ADGRL4: variants seen among roughly 807,000 people sequenced by gnomAD.
The protein encoded by ADGRL4 is adhesion G protein-coupled receptor L4.
In ADGRL4, 90 loss-of-function variants were observed where a neutral mutation model predicts 74.8. The ratio of observed to expected loss-of-function variants is 1.20; its 90% CI spans 1.02 to 1.43. ADGRL4 has a LOEUF of 1.43. Ranked by LOEUF, ADGRL4 falls within the 40% of genes most tolerant of loss-of-function variation. The probability of loss-of-function intolerance (pLI) is 0.00; values close to 1 mark genes in which losing one functional copy is unlikely to be tolerated. For missense variants in ADGRL4, 881 were observed against 814.3 expected, an observed-to-expected ratio of 1.08 and a Z score of -1.00; for synonymous variants, 311 against 279.2, an observed-to-expected ratio of 1.11 and a Z score of -1.14.
intron 2 of ADGRL4, among the ~76,000 whole-genome samples, chr1:78,999,347 C>T (rs1012701143): frequency 9.9e-5 from 15 of 152,100 alleles, no homozygotes; most frequent in Admixed American, 4.6e-4. Context: ...CACCTTTCTA[C>T]CAGAATTTTC....
At chr1:78,896,377 T>G in intron 12 of ADGRL4, among the ~76,000 whole-genome samples, 1 of 152,040 alleles carries the variant, frequency 6.6e-6, no homozygotes, top group East Asian at 1.9e-4. Context: ...CCAATCTAAC[T>G]CCTCCATTTG....
intron 2 of ADGRL4, among the ~76,000 whole-genome samples, chr1:78,979,983 C>A (rs1057498204): frequency 6.6e-6 from 1 of 151,904 alleles, no homozygotes; most frequent in African/African-American, 2.4e-5. Context: ...GAAATCACTG[C>A]TAAAGAACGT....
At chr1:79,004,869 T>C (rs1460915286) in intron 2 of ADGRL4, among the ~76,000 whole-genome samples, 3 of 152,170 alleles carry the variant, frequency 2.0e-5, no homozygotes, top group African/African-American at 4.8e-5. Flanking sequence ...AAGATATGCA[T>C]GAAGTCTTTT....
chr1:78,964,343 A>G (rs1049565017), intron 2 of ADGRL4, among the ~76,000 whole-genome samples: 9 of 152,190 alleles, frequency 5.9e-5, no homozygotes, highest in Admixed American at 3.9e-4. Flanking sequence ...TATGACAAGC[A>G]CTGAAGTCTT....
intron 14 of ADGRL4, 64 bp downstream of exon 14, chr1:78,891,460 T>A (rs1648271030): frequency 6.7e-7 from 1 of 1,499,276 alleles, no homozygotes; most frequent in African/African-American, 1.4e-5. Context: ...AAGAATTTTC[T>A]ATCAATTTGG....
At chr1:78,895,639 T>C (rs989487081) in intron 12 of ADGRL4, among the ~76,000 whole-genome samples, 3 of 152,192 alleles carry the variant, frequency 2.0e-5, no homozygotes, top group Non-Finnish European at 4.4e-5. Flanking sequence ...AAAAACAGCA[T>C]AGGAAAATCT....
At chr1:78,996,765 C>G (rs1481523219) in intron 2 of ADGRL4, among the ~76,000 whole-genome samples, 1 of 152,128 alleles carries the variant, frequency 6.6e-6, no homozygotes, top group Non-Finnish European at 1.5e-5. Context: ...GATTATTTCT[C>G]AGCCCATTGT....
In ADGRL4 at chr1:78,889,808, CTTCAT is replaced by C. The variant is rs1648227521; in HGVS notation, c.*1341_*1345del. Reference sequence around the variant, plus strand: ...ATTTGTTAGAGCAAGATTTGGCAGACTTCATTTCAACAGCTGGAGGAATTAATTTA... The same window carrying C: ...ATTTGTTAGAGCAAGATTTGGCAGACTTCAACAGCTGGAGGAATTAATTTA... On this transcript the variant is annotated 3_prime_UTR_variant, in exon 15 of 15. Coordinates refer to ENST00000370742, the MANE Select transcript of ADGRL4 (RefSeq NM_022159.4). 4.4e-6 allele frequency: 2 copies of C among 459,518 alleles called. No homozygotes were observed. The highest frequency in any genetic ancestry group is 9.0e-6 in the Non-Finnish European group (2 of 221,238). 28.5% of individuals were successfully genotyped at this position (459,518 alleles called of 1,614,324 possible).
chr1:78,959,981 T>A (rs1305850428), intron 2 of ADGRL4, among the ~76,000 whole-genome samples: 2 of 152,180 alleles, frequency 1.3e-5, no homozygotes, highest in African/African-American at 4.8e-5. Flanking sequence ...ATATTTTGAA[T>A]AAGCTAAAAG....
chr1:78,966,613 T>C (rs557237297), intron 2 of ADGRL4, among the ~76,000 whole-genome samples: 4 of 152,238 alleles, frequency 2.6e-5, no homozygotes, highest in African/African-American at 9.6e-5. Context: ...TTCCTCTTTT[T>C]GGAATGGACA....
chr1:78,927,552 AT>A (rs2100678167), intron 7 of ADGRL4, among the ~76,000 whole-genome samples: 1 of 152,230 alleles, frequency 6.6e-6, no homozygotes, highest in South Asian at 2.1e-4. Context: ...CTGAGTTCAA[AT>A]GTATGCCCAC....
chr1:78,901,209 T>C (rs1041626591), intron 12 of ADGRL4, among the ~76,000 whole-genome samples: 4 of 152,276 alleles, frequency 2.6e-5, no homozygotes, highest in Admixed American at 2.0e-4. Flanking sequence ...ACACTTGGCA[T>C]CCTTCATGTC....
intron 2 of ADGRL4, among the ~76,000 whole-genome samples, chr1:78,948,538 C>G (rs1405788002): frequency 6.6e-6 from 1 of 151,998 alleles, no homozygotes; most frequent in South Asian, 2.1e-4. Context: ...AGAAAAATTG[C>G]TGAAATATGA....
At chr1:78,986,100 T>C (rs867753960) in intron 2 of ADGRL4, among the ~76,000 whole-genome samples, 1 of 151,772 alleles carries the variant, frequency 6.6e-6, no homozygotes, top group South Asian at 2.1e-4. Context: ...GGCAAAATAA[T>C]CTGTACATCA....
At chr1:78,894,858 ATAG>A (rs1648361531) in intron 12 of ADGRL4, among the ~76,000 whole-genome samples, 1 of 151,996 alleles carries the variant, frequency 6.6e-6, no homozygotes, top group Middle Eastern at 3.2e-3. Context: ...TTCCACATAA[ATAG>A]TAATTTATTT....
At chr1:78,978,915 T>A (rs926709214) in intron 2 of ADGRL4, among the ~76,000 whole-genome samples, 6 of 152,014 alleles carry the variant, frequency 3.9e-5, no homozygotes, top group African/African-American at 9.7e-5. Context: ...GATAATCTAA[T>A]GTTGGTATTT....
intron 2 of ADGRL4, among the ~76,000 whole-genome samples, chr1:78,985,480 A>C (rs1197069735): frequency 1.3e-5 from 2 of 151,810 alleles, no homozygotes; most frequent in Non-Finnish European, 2.9e-5. Context: ...TATTTGATCA[A>C]TTTAAGAATA....
At chr1:78,979,923 A>G (rs1162175076) in intron 2 of ADGRL4, among the ~76,000 whole-genome samples, 1 of 151,858 alleles carries the variant, frequency 6.6e-6, no homozygotes, top group Admixed American at 6.6e-5. Context: ...AAAATATTAC[A>G]TATTGGGTAC....
chr1:78,909,770 T>C (rs1355984041), intron 12 of ADGRL4, among the ~76,000 whole-genome samples: 3 of 151,860 alleles, frequency 2.0e-5, no homozygotes, highest in African/African-American at 7.2e-5. Flanking sequence ...TGTATATACT[T>C]GCATTTCTAC....
Sources: gnomAD v4.1 joint callset for allele counts (sites outside exome capture counted in the v4.1 genomes callset) on GRCh38, gnomAD v4.1.1 for gene constraint, MANE v1.5 for transcripts, NCBI Gene and HGNC (gene_info 2026-07-23, HGNC 2026-07-21) for gene names.